The following MRPL19 variants were observed in gnomAD, a reference collection of about 807,000 sequenced individuals.
The protein encoded by MRPL19 is large ribosomal subunit protein bL19m.
MRPL19 carries 31 observed loss-of-function variants against 34.0 expected under a neutral mutation model. That is an observed-to-expected ratio of 0.91 (90% CI 0.68 to 1.23). The LOEUF (loss-of-function observed/expected upper bound fraction) is 1.23. Among genes scored for constraint, MRPL19 ranks in the 50% most tolerant of loss-of-function variants. The pLI is 0.00. For synonymous variants in MRPL19, 152 were observed against 127.7 expected, an observed-to-expected ratio of 1.19 and a Z score of -1.28; for missense variants, 384 against 367.6, an observed-to-expected ratio of 1.04 and a Z score of -0.37.
rs754026770 is a variant in MRPL19, at chr2:75,646,834, C to G, written c.27C>G (p.His9Gln). Residue 9 changes from histidine (H) to glutamine (Q), a missense_variant, in exon 1 of 6, where the codon CAC becomes CAG. Physicochemically the swap from His to Gln is conservative, Grantham distance 24. Coordinates refer to ENST00000393909, the MANE Select transcript of MRPL19 (RefSeq NM_014763.4). ...TGGCGGCCTGCATTGCAGCGGGGCA[C>G]TGGGCTGCAATGGGCCTAGGCCGGA... MAACIAAG[H>Q]WAAMGLGRSF... The G allele has an allele frequency of 2.5e-6, 4 of 1,583,460 alleles. No individual in the cohort carries two copies. In the Admixed American group the frequency reaches 5.4e-5, roughly 21 times the overall value.
At chr2:75,652,846 TTTC>T (rs1678361106) in intron 4 of MRPL19, among the ~76,000 whole-genome samples, 189 bp downstream of exon 4, 1 of 152,236 alleles carries the variant, frequency 6.6e-6, no homozygotes, top group South Asian at 2.1e-4. Context: ...GATGGACTTC[TTTC>T]TCTTGAAGGC....
chr2:75,652,318 G>T (rs945191422), intron 3 of MRPL19, 58 bp downstream of exon 3: 18 of 1,364,584 alleles, frequency 1.3e-5, no homozygotes, highest in Non-Finnish European at 1.7e-5. Context: ...TTTGTGATTG[G>T]ATGGTTAGTT....
intron 2 of MRPL19, 160 bp downstream of exon 2, chr2:75,647,379 T>G (rs1678247713): frequency 4.6e-6 from 3 of 655,436 alleles, no homozygotes; most frequent in African/African-American, 1.9e-5. Flanking sequence ...TCTTTCTTTC[T>G]CACTTCTCCC....
At chr2:75,649,418 T>C (rs1678284559) in intron 2 of MRPL19, among the ~76,000 whole-genome samples, 1 of 149,926 alleles carries the variant, frequency 6.7e-6, no homozygotes, top group Admixed American at 6.6e-5. Flanking sequence ...TTTTGTGCCT[T>C]TTTTTTTTAA....
rs776561600 is a variant in MRPL19, at chr2:75,654,768, C to T, written c.508C>T (p.Arg170Trp). Residue 170 changes from arginine to tryptophan, a missense_variant, in exon 5 of 6, where the codon CGG becomes TGG. Arg to Trp is a moderately radical substitution (Grantham distance 101). Coordinates refer to ENST00000393909, the MANE Select transcript of MRPL19 (RefSeq NM_014763.4). ...VEICFELYNP[R>W]VQEIQVVKLE... The stretch of plus-strand genomic sequence containing the variant: ...GATTTGCTTTGAACTTTATAATCCT[C>T]GGGTCCAGGAGATTCAGGTGGTCAA... 5.6e-6 allele frequency: 9 copies of T among 1,613,548 alleles called. No homozygotes were observed. In the Admixed American group the frequency reaches 6.7e-5, roughly 12 times the overall value.
At position 75,656,141 on chromosome 2, in the gene MRPL19, T is replaced by C. The variant is rs1247780605; in HGVS notation, c.*856T>C. ...TGTGGTTAGAGGAAGTAAACTGTTT[T>C]TTGATGCTCACAGCATGATGAATCA... is the stretch of plus-strand genomic sequence containing the variant. On this transcript the variant is annotated 3_prime_UTR_variant, in exon 6 of 6. Coordinates refer to ENST00000393909, the MANE Select transcript of MRPL19 (RefSeq NM_014763.4). 1 of 152,200 alleles carries C rather than the reference T, an allele frequency of 6.6e-6. No individual in the cohort carries two copies. 9.4% of individuals were successfully genotyped at this position (152,200 alleles called of 1,614,324 possible). A position where few individuals can be genotyped will look rare whatever the true frequency, so the allele number is the denominator to read the frequency against.
Position 75,657,010 on chromosome 2 carries a change from A to C in MRPL19, c.*1725A>C, listed in dbSNP as rs1273420224. 6 of 152,052 alleles carry C rather than the reference A, an allele frequency of 3.9e-5. No individual in the cohort carries two copies. Among genetic ancestry groups the C allele is most frequent in the Non-Finnish European group, 8.8e-5 (6 of 67,988 alleles). 9.4% of individuals were successfully genotyped at this position (152,052 alleles called of 1,614,324 possible). ...TTAAGACCCCTTCTTGATTTGTAGA[A>C]GTTCCTTTTCTTACAACCAAAAAGC... On this transcript the variant is annotated 3_prime_UTR_variant, in exon 6 of 6. Transcript: ENST00000393909.
rs758711607 is a variant in MRPL19 at position 75,646,930 on chromosome 2, C to A, written c.103+20C>A. 63 of 1,551,080 alleles carry A rather than the reference C, an allele frequency of 4.1e-5. 1 individual carries two copies. In the Middle Eastern group the frequency reaches 3.8e-3, roughly 93 times the overall value. On this transcript the variant is annotated intron_variant, in intron 1 of 5. Coordinates refer to ENST00000393909, the MANE Select transcript of MRPL19 (RefSeq NM_014763.4). The stretch of plus-strand genomic sequence containing the variant: ...CCTGCAGTAAGTGGAGCCGGACTTG[C>A]GAGCTGGGGCGCGTTAGGGGCCCAG...
intron 5 of MRPL19, 28 bp from the exon 6 acceptor site, chr2:75,655,036 T>C: frequency 7.0e-7 from 1 of 1,430,498 alleles, no homozygotes; most frequent in Non-Finnish European, 9.3e-7. Context: ...ATTGCTTTTT[T>C]TTTTTTTTTT....
In MRPL19 at chr2:75,646,830, G is replaced by T. The variant is rs765286897; in HGVS notation, c.23G>T (p.Gly8Val). 2 of 1,574,584 alleles carry T rather than the reference G, an allele frequency of 1.3e-6. No homozygotes were observed. Among genetic ancestry groups the T allele is most frequent in the Non-Finnish European group, 1.7e-6 (2 of 1,159,996 alleles). ...GGCATGGCGGCCTGCATTGCAGCGGGGCACTGGGCTGCAATGGGCCTAGGC... is the reference window on the plus strand; with the variant it reads ...GGCATGGCGGCCTGCATTGCAGCGGTGCACTGGGCTGCAATGGGCCTAGGC... The part of the protein sequence containing the change: MAACIAA[G>V]HWAAMGLGRS... The change falls in exon 1 of 6, where the codon GGG (glycine) becomes GTG (valine). Residue 8 changes from glycine (G) to valine (V), a missense_variant. Gly to Val is a moderately radical substitution (Grantham distance 109). Coordinates refer to ENST00000393909, the MANE Select transcript of MRPL19 (RefSeq NM_014763.4).
In MRPL19 at chr2:75,657,813, T is replaced by A. The variant is rs1260148593; in HGVS notation, c.*2528T>A. 1 of 151,936 alleles carries A rather than the reference T, an allele frequency of 6.6e-6. No homozygotes were observed. Among genetic ancestry groups the A allele is most frequent in the Non-Finnish European group, 1.5e-5 (1 of 67,976 alleles). 9.4% of individuals were successfully genotyped at this position (151,936 alleles called of 1,614,324 possible). On this transcript the variant is annotated 3_prime_UTR_variant, in exon 6 of 6. Transcript: ENST00000393909. ...ATTCTTGTGAATTTTTCCCCAGAAGTAAAGCAAATCTTCCCCCAGAAATAA... is the reference window on the plus strand; with the variant it reads ...ATTCTTGTGAATTTTTCCCCAGAAGAAAAGCAAATCTTCCCCCAGAAATAA...
In MRPL19 at chr2:75,659,390, T is replaced by C. The variant is rs920618410; in HGVS notation, c.*4105T>C. Among the ~76,000 whole-genome samples, 1 of 152,164 alleles carries C rather than the reference T, an allele frequency of 6.6e-6. No homozygotes were observed. Among genetic ancestry groups the C allele is most frequent in the Non-Finnish European group, 1.5e-5 (1 of 67,990 alleles). Reference sequence around the variant, plus strand: ...TTTGTCTTTTAAATCATTTAGGAAATAAAAAGTGGAGTTAGAAAACAGTAT... The same window carrying C: ...TTTGTCTTTTAAATCATTTAGGAAACAAAAAGTGGAGTTAGAAAACAGTAT... On this transcript the variant is annotated 3_prime_UTR_variant, in exon 6 of 6. Coordinates refer to ENST00000393909, the MANE Select transcript of MRPL19 (RefSeq NM_014763.4).
At chr2:75,653,920 C>A (rs573775705) in intron 4 of MRPL19, among the ~76,000 whole-genome samples, 1 of 152,292 alleles carries the variant, frequency 6.6e-6, no homozygotes, top group South Asian at 2.1e-4. Flanking sequence ...AAAAATATAT[C>A]ACAATTTTGC....
rs1678501199 is a variant in MRPL19, at chr2:75,657,955, A to C, written c.*2670A>C. 1.3e-5 allele frequency: 2 copies of C among 152,148 alleles called. No individual in the cohort carries two copies. Among genetic ancestry groups the C allele is most frequent in the African/African-American group, 4.8e-5 (2 of 41,442 alleles). The allele number at this position is 152,148 out of a possible 1,614,324, so 9.4% of individuals were successfully genotyped here. A position where few individuals can be genotyped will look rare whatever the true frequency, so the allele number is the denominator to read the frequency against. ...ACAAGTCAGAGGCATTAATTACATC[A>C]CAATGTTGTGAAATTATTACTACTA... On this transcript the variant is annotated 3_prime_UTR_variant, in exon 6 of 6. Transcript: ENST00000393909.
rs1678437861 is a variant in MRPL19 at position 75,655,877 on chromosome 2, A to T, written c.*592A>T. 1 of 113,208 alleles carries T rather than the reference A, an allele frequency of 8.8e-6. No homozygotes were observed. Among genetic ancestry groups the T allele is most frequent in the Non-Finnish European group, 1.8e-5 (1 of 57,102 alleles). 7.0% of individuals were successfully genotyped at this position (113,208 alleles called of 1,614,324 possible). A position where few individuals can be genotyped will look rare whatever the true frequency, so the allele number is the denominator to read the frequency against. On this transcript the variant is annotated 3_prime_UTR_variant, in exon 6 of 6. Transcript: ENST00000393909. ...TCAACAATATATTTAATTTTGAAAA[A>T]CCTGAAAAAAAAAACCTGTTAGCAA...
intron 4 of MRPL19, 117 bp downstream of exon 4, chr2:75,652,774 A>G: frequency 9.0e-7 from 1 of 1,114,486 alleles, no homozygotes; most frequent in Non-Finnish European, 1.3e-6. Context: ...ACTCTGAGGG[A>G]AGATGTGGAG....
At chr2:75,647,439 T>C (rs949915633) in intron 2 of MRPL19, 1 of 535,906 alleles carries the variant, frequency 1.9e-6, no homozygotes, top group African/African-American at 2.0e-5. Flanking sequence ...GAACTTCAAG[T>C]AGGGGTTCCC....
chr2:75,652,515 AT>A lies in MRPL19; in HGVS notation c.341-5del. 1.9e-6 allele frequency: 3 copies of A among 1,607,054 alleles called. No homozygotes were observed. The highest frequency in any genetic ancestry group is 1.7e-6 in the Non-Finnish European group (2 of 1,177,828). On this transcript the variant is annotated splice_polypyrimidine_tract_variant and splice_region_variant and intron_variant, in intron 3 of 5. Coordinates refer to ENST00000393909, the MANE Select transcript of MRPL19 (RefSeq NM_014763.4). ...AAAAAAAAGTTCACTTCTCTTTTGA[AT>A]TTGTAGGAAGTATTCTTCGTGTTAC...
Position 75,654,740 on chromosome 2 carries a change from CG to C in MRPL19, c.481del (p.Glu161ArgfsTer19), listed in dbSNP as rs759052680. 1.2e-6 allele frequency: 2 copies of C among 1,613,078 alleles called. No individual in the cohort carries two copies. Among genetic ancestry groups the C allele is most frequent in the African/African-American group, 2.7e-5 (2 of 74,834 alleles). On this transcript the variant is annotated frameshift_variant, in exon 5 of 6. Coordinates refer to ENST00000393909, the MANE Select transcript of MRPL19 (RefSeq NM_014763.4). LOFTEE classifies it high-confidence loss of function. Reference sequence around the variant, plus strand: ...TATGTTTTCTGTTCTATTTAGGTGTCGAGATTTGCTTTGAACTTTATAATCC... The same window carrying C: ...TATGTTTTCTGTTCTATTTAGGTGTCAGATTTGCTTTGAACTTTATAATCC... Reference protein sequence around the residue: ...LRNVIEGQGVEICFELYNPRV... With the variant: ...LRNVIEGQGVXICFELYNPRV...
Sources: allele counts gnomAD v4.1 joint callset (sites outside exome capture counted in the v4.1 genomes callset), GRCh38; gene constraint gnomAD v4.1.1; transcripts MANE v1.5; gene names NCBI Gene and HGNC (gene_info 2026-07-23, HGNC 2026-07-21).